Variants in CTNNA3 observed in about 807,000 individuals in gnomAD.
CTNNA3 encodes catenin alpha-3.
In CTNNA3, 76 loss-of-function variants were observed where a neutral mutation model predicts 95.7. That is an observed-to-expected ratio of 0.79 (90% CI 0.66 to 0.96). The LOEUF is 0.96. Ranked by LOEUF, CTNNA3 falls within the 40% of genes least tolerant of loss-of-function variation. CTNNA3 has a pLI of 0.00. For missense variants in CTNNA3, 1,191 were observed against 1,089.8 expected (o/e 1.09, Z -1.31); for synonymous variants, 431 against 374.4 (o/e 1.15, Z -1.74).
chr10:67,507,137 A>G (rs756904807), intron 5 of CTNNA3, among the ~76,000 whole-genome samples: 22 of 152,274 alleles, frequency 1.4e-4, no homozygotes, highest in South Asian at 2.1e-4. Flanking sequence ...AAGAAATTGG[A>G]TAACTTAGAA....
chr10:66,723,708 G>A (rs965247982), intron 9 of CTNNA3, among the ~76,000 whole-genome samples: 3 of 152,094 alleles, frequency 2.0e-5, no homozygotes, highest in Non-Finnish European at 4.4e-5. Context: ...GCCAGCAATA[G>A]GTTTTGCTCT....
intron 13 of CTNNA3, among the ~76,000 whole-genome samples, chr10:66,187,751 A>C (rs972128955): frequency 3.9e-5 from 6 of 152,172 alleles, no homozygotes; most frequent in African/African-American, 4.8e-5. Flanking sequence ...TCATTAAACA[A>C]ATAAACAACA....
intron 15 of CTNNA3, among the ~76,000 whole-genome samples, chr10:65,993,308 T>C (rs2078581556): frequency 6.6e-6 from 1 of 152,232 alleles, no homozygotes; most frequent in Non-Finnish European, 1.5e-5. Context: ...AAATTTTCTG[T>C]CTAGATGATC....
chr10:67,459,756 C>T (rs558374937), intron 5 of CTNNA3, among the ~76,000 whole-genome samples: 1 of 152,228 alleles, frequency 6.6e-6, no homozygotes, highest in South Asian at 2.1e-4. Flanking sequence ...TTATCTTTTA[C>T]CTCTTAGCAA....
intron 6 of CTNNA3, among the ~76,000 whole-genome samples, chr10:67,215,572 T>C (rs545694545): frequency 2.0e-5 from 3 of 152,232 alleles, no homozygotes; most frequent in African/African-American, 7.2e-5. Flanking sequence ...ACACAGATAA[T>C]ATGAATGCTG....
chr10:66,481,949 T>C (rs1254102457), intron 11 of CTNNA3, among the ~76,000 whole-genome samples: 1 of 151,970 alleles, frequency 6.6e-6, no homozygotes, highest in African/African-American at 2.4e-5. Flanking sequence ...AGTTTTTACA[T>C]GCTTGAAAGA....
chr10:67,434,341 C>T (rs935540380), intron 5 of CTNNA3, among the ~76,000 whole-genome samples: 3 of 151,892 alleles, frequency 2.0e-5, no homozygotes, highest in Non-Finnish European at 4.4e-5. Context: ...GGATAAGGTC[C>T]ATAAGCCCCT....
chr10:67,017,541 C>T (rs962460852), intron 7 of CTNNA3, among the ~76,000 whole-genome samples: 18 of 152,106 alleles, frequency 1.2e-4, no homozygotes, highest in African/African-American at 2.2e-4. Context: ...CTCTATGGTT[C>T]GGCCTTTAAG....
At position 66,044,402 on chromosome 10, in the gene CTNNA3, TTTAA is replaced by T. The variant is rs538460280; in HGVS notation, c.2159+24902_2159+24905del. On this transcript the variant is annotated intron_variant, in intron 15 of 17. Transcript: ENST00000433211. ...CTTATATTTATTTAAAACAACACCC[TTTAA>T]TGTTTGTTTATCTTGATTTTTTTTT... Among the ~76,000 whole-genome samples the T allele has an allele frequency of 2.0e-5, 3 of 152,080 alleles. No individual in the cohort carries two copies. In the South Asian group the frequency reaches 6.2e-4, roughly 32 times the overall value.
intron 1 of CTNNA3, among the ~76,000 whole-genome samples, chr10:67,730,740 A>G (rs562104882): frequency 6.6e-6 from 1 of 152,146 alleles, no homozygotes; most frequent in African/African-American, 2.4e-5. Context: ...AGATAATCTG[A>G]TATTTAAATA....
At chr10:66,974,873 T>C (rs1849942065) in intron 7 of CTNNA3, among the ~76,000 whole-genome samples, 2 of 152,280 alleles carry the variant, frequency 1.3e-5, no homozygotes, top group East Asian at 3.9e-4. Context: ...TTTCTTCATA[T>C]TGAATTCTAA....
chr10:67,691,723 T>C (rs1214637526), intron 1 of CTNNA3, among the ~76,000 whole-genome samples: 4 of 141,218 alleles, frequency 2.8e-5, no homozygotes, highest in African/African-American at 8.1e-5. Flanking sequence ...AAGTGAGGAG[T>C]GTCTCCGCCC....
chr10:67,754,670 G>C (rs189251435), intron 1 of CTNNA3, among the ~76,000 whole-genome samples: 2 of 152,146 alleles, frequency 1.3e-5, no homozygotes, highest in Admixed American at 1.3e-4. Context: ...GGCAACCAAA[G>C]CAAAAATAGA....
chr10:66,653,402 C>CAA (rs60137091), intron 9 of CTNNA3, among the ~76,000 whole-genome samples: 2 of 151,368 alleles, frequency 1.3e-5, no homozygotes, highest in Admixed American at 1.3e-4. Flanking sequence ...TAAATTTAAA[C>CAA]GAGGTAAAAG....
At chr10:66,946,729 T>C (rs1848292098) in intron 7 of CTNNA3, among the ~76,000 whole-genome samples, 1 of 152,092 alleles carries the variant, frequency 6.6e-6, no homozygotes, top group African/African-American at 2.4e-5. Flanking sequence ...GAACTACATA[T>C]TTCTCATCTC....
chr10:66,415,105 C>A (rs978873389), intron 11 of CTNNA3, among the ~76,000 whole-genome samples: 2 of 152,122 alleles, frequency 1.3e-5, no homozygotes, highest in Non-Finnish European at 2.9e-5. Flanking sequence ...GCCTCCCACT[C>A]AAGCATTCCA....
chr10:66,619,410 A>G (rs1393348073), intron 10 of CTNNA3, among the ~76,000 whole-genome samples: 1 of 130,748 alleles, frequency 7.6e-6, no homozygotes, highest in Non-Finnish European at 1.7e-5. Flanking sequence ...TGTCCTTTGT[A>G]GGGACGTGGA....
intron 5 of CTNNA3, among the ~76,000 whole-genome samples, chr10:67,256,995 A>AT (rs1866376794): frequency 6.6e-6 from 1 of 152,216 alleles, no homozygotes; most frequent in South Asian, 2.1e-4. Context: ...CATCTTTGCT[A>AT]AGATTTTATG....
intron 5 of CTNNA3, among the ~76,000 whole-genome samples, chr10:67,464,128 T>A (rs1847484896): frequency 6.6e-6 from 1 of 152,214 alleles, no homozygotes; most frequent in South Asian, 2.1e-4. Context: ...AAACATTCTA[T>A]AATCCGGCTC....
Sources: gnomAD v4.1 joint callset for allele counts (sites outside exome capture counted in the v4.1 genomes callset) on GRCh38, gnomAD v4.1.1 for gene constraint, MANE v1.5 for transcripts, NCBI Gene and HGNC (gene_info 2026-07-23, HGNC 2026-07-21) for gene names.